MYO3B: variants seen among roughly 807,000 people sequenced by gnomAD.
MYO3B encodes myosin-IIIb.
A neutral mutation model predicts 174.6 loss-of-function variants in MYO3B; 156 were observed. The ratio of observed to expected loss-of-function variants is 0.89; its 90% confidence interval spans 0.78 to 1.02. The LOEUF (loss-of-function observed/expected upper bound fraction) is 1.02. MYO3B is among the 50% of genes least tolerant of loss of function. MYO3B has a pLI of 0.00. For synonymous variants in MYO3B, 563 were observed against 569.1 expected (o/e 0.99, Z 0.15); for missense variants, 1,632 against 1,639.4 (o/e 1.00, Z 0.08).
chr2:170,354,631 C>T (rs2094105712), intron 8 of MYO3B, among the ~76,000 whole-genome samples: 1 of 152,194 alleles, frequency 6.6e-6, no homozygotes, highest in African/African-American at 2.4e-5. Flanking sequence ...CCCTTCTTTC[C>T]CAACCTCTTG....
intron 7 of MYO3B, among the ~76,000 whole-genome samples, chr2:170,248,143 C>G (rs551196154): frequency 1.6e-4 from 25 of 152,164 alleles, no homozygotes; most frequent in Middle Eastern, 6.8e-3. Context: ...TTGGCAAGAC[C>G]CCTCCTGGCT....
chr2:170,374,795 A>ACACACACG (rs1307698235), intron 9 of MYO3B, among the ~76,000 whole-genome samples: 2 of 141,598 alleles, frequency 1.4e-5, no homozygotes, highest in African/African-American at 5.1e-5. Flanking sequence ...ACACACACAC[A>ACACACACG]CACACTACAG....
chr2:170,373,745 G>A (rs1184361436), intron 9 of MYO3B, among the ~76,000 whole-genome samples: 4 of 151,722 alleles, frequency 2.6e-5, no homozygotes, highest in African/African-American at 9.7e-5. Flanking sequence ...TCTAAGTTGG[G>A]AAAGACACAG....
intron 6 of MYO3B, among the ~76,000 whole-genome samples, chr2:170,219,573 G>A (rs535323622): frequency 2.6e-4 from 39 of 152,154 alleles, no homozygotes; most frequent in African/African-American, 8.7e-4. Context: ...GAACCCGGGA[G>A]GCAGAGGTTG....
intron 32 of MYO3B, among the ~76,000 whole-genome samples, chr2:170,584,989 C>T (rs183321633): frequency 6.8e-4 from 103 of 152,330 alleles, no homozygotes; most frequent in Middle Eastern, 6.8e-3. Flanking sequence ...TGTTATTCCT[C>T]TCATGCAGCA....
At chr2:170,232,626 A>G (rs1174505936) in intron 6 of MYO3B, among the ~76,000 whole-genome samples, 2 of 152,232 alleles carry the variant, frequency 1.3e-5, no homozygotes, top group Non-Finnish European at 2.9e-5. Flanking sequence ...TGGCCCTGAC[A>G]ATTACTAGCT....
rs200997246 is a variant in MYO3B at position 170,468,797 on chromosome 2, CAG to C, written c.3014+2088_3014+2089del. ...CAGTGGATTCTGATGCATAGTCTCT[CAG>C]AATGTCTACAGAGGGCAAACACATA... On this transcript the variant is annotated intron_variant, in intron 25 of 34. Transcript: ENST00000408978. Among the ~76,000 whole-genome samples the C allele has an allele frequency of 5.9e-3, 895 of 152,284 alleles. 2 individuals are homozygous for C. The highest frequency in any genetic ancestry group is 0.02 in the African/African-American group (848 of 41,554).
intron 12 of MYO3B, among the ~76,000 whole-genome samples, chr2:170,384,381 T>C (rs1186724278): frequency 6.6e-6 from 1 of 152,172 alleles, no homozygotes. Flanking sequence ...TGCTCATATA[T>C]CTAATCTTTC....
chr2:170,253,113 G>A (rs1217609761), intron 7 of MYO3B, among the ~76,000 whole-genome samples: 1 of 152,156 alleles, frequency 6.6e-6, no homozygotes, highest in African/African-American at 2.4e-5. Context: ...TGTGGAAAAT[G>A]GAATATTAGG....
At position 170,482,318 on chromosome 2, in the gene MYO3B, C is replaced by T. The variant is rs189211914; in HGVS notation, c.3014+15607C>T. Among the ~76,000 whole-genome samples the T allele has an allele frequency of 5.5e-4, 84 of 152,276 alleles. 1 individual carries two copies. The East Asian group carries it at 0.015, about 28-fold the overall frequency. On this transcript the variant is annotated intron_variant, in intron 25 of 34. Transcript: ENST00000408978. ...TACAGGTGCGCACCACCATGCCTAA[C>T]TAATTTTTGTGTTTTTAGTAGAGAC...
At chr2:170,282,658 A>G (rs12618128) in intron 7 of MYO3B, among the ~76,000 whole-genome samples, 81,000 of 151,706 alleles carry the variant, frequency 0.53, 21,866 homozygotes, top group East Asian at 0.66. Context: ...ATCATATTTT[A>G]ATAGGGATGC....
intron 9 of MYO3B, among the ~76,000 whole-genome samples, chr2:170,379,945 T>C (rs1216628897): frequency 1.3e-5 from 2 of 152,222 alleles, no homozygotes; most frequent in African/African-American, 4.8e-5. Context: ...GCCATTAATA[T>C]TGCATTATAA....
At chr2:170,282,684 T>C (rs533721721) in intron 7 of MYO3B, among the ~76,000 whole-genome samples, 8 of 152,304 alleles carry the variant, frequency 5.3e-5, no homozygotes, top group African/African-American at 1.9e-4. Context: ...CTCTGTAGAT[T>C]ACTTTGATTA....
At chr2:170,475,453 G>GT (rs1390624494) in intron 25 of MYO3B, among the ~76,000 whole-genome samples, 3 of 152,108 alleles carry the variant, frequency 2.0e-5, no homozygotes, top group Non-Finnish European at 4.4e-5. Flanking sequence ...ATCTCATTAT[G>GT]TTGCCTAAGC....
At chr2:170,236,579 A>G (rs1314677807) in intron 7 of MYO3B, among the ~76,000 whole-genome samples, 3 of 152,198 alleles carry the variant, frequency 2.0e-5, no homozygotes, top group African/African-American at 2.4e-5. Flanking sequence ...CATCAGCGCT[A>G]TATCTTACTC....
Position 170,335,449 on chromosome 2 carries a change from C to T in MYO3B, c.814C>T (p.Gln272Ter). The change falls in exon 8 of 35, where the codon CAG (glutamine) becomes TAG (stop). Residue 272 changes from glutamine to a stop codon, truncating the protein, a stop_gained and splice_region_variant. Transcript: ENST00000408978. LOFTEE classifies it high-confidence loss of function. ...TGAAGAATTCAACCACTTTATTTCA[C>T]AGTGAGTATTTCTTCCACTAAAAAT... Reference protein sequence around the residue: ...WCEEFNHFISQCLIKDFERRP... With the variant: ...WCEEFNHFIS The T allele has an allele frequency of 1.2e-6, 2 of 1,610,408 alleles. No homozygotes were observed. Among genetic ancestry groups the T allele is most frequent in the Non-Finnish European group, 1.7e-6 (2 of 1,177,634 alleles).
intron 30 of MYO3B, among the ~76,000 whole-genome samples, chr2:170,533,643 A>C (rs1689498225): frequency 6.6e-6 from 1 of 152,226 alleles, no homozygotes; most frequent in Non-Finnish European, 1.5e-5. Flanking sequence ...AGGCAGCCAC[A>C]CAGATACCTC....
chr2:170,440,857 A>C (rs1361070865), intron 22 of MYO3B, among the ~76,000 whole-genome samples: 1 of 126,432 alleles, frequency 7.9e-6, no homozygotes. Flanking sequence ...GCTGGAGTGC[A>C]GTGGCATGAT....
At chr2:170,388,445 G>T (rs748726408) in intron 14 of MYO3B, among the ~76,000 whole-genome samples, 2 of 152,144 alleles carry the variant, frequency 1.3e-5, no homozygotes, top group Non-Finnish European at 2.9e-5. Context: ...GTTAGGCAAC[G>T]AGGTGGGGAC....
Sources: gnomAD v4.1 joint callset for allele counts (sites outside exome capture counted in the v4.1 genomes callset) on GRCh38, gnomAD v4.1.1 for gene constraint, MANE v1.5 for transcripts, NCBI Gene and HGNC (gene_info 2026-07-23, HGNC 2026-07-21) for gene names.